Variants in RANBP2 observed in about 807,000 individuals in gnomAD.
RANBP2 encodes E3 SUMO-protein ligase RanBP2.
RANBP2 carries 57 observed loss-of-function variants against 303.6 expected under a neutral mutation model. The observed-to-expected ratio is 0.19, with a 90% CI of 0.15 to 0.23. The LOEUF is 0.23. RANBP2 is among the 10% of genes least tolerant of loss of function. RANBP2 has a pLI of 1.00. For synonymous variants in RANBP2, 1,167 were observed against 1,301.5 expected (o/e 0.90, Z 2.23); for missense variants, 3,138 against 3,780.8 (o/e 0.83, Z 4.46).
chr2:108,726,789 A>G (rs1163839454), intron 1 of RANBP2, among the ~76,000 whole-genome samples: 1 of 152,056 alleles, frequency 6.6e-6, no homozygotes, highest in Non-Finnish European at 1.5e-5. Context: ...AGCCTTCCGC[A>G]GTGTTTGTGT....
At chr2:109,396,655 C>A in the RANBP2 span, among the ~76,000 whole-genome samples, 1 of 152,210 alleles carries the variant, frequency 6.6e-6, no homozygotes, top group Non-Finnish European at 1.5e-5. Flanking sequence ...CACTGATTGA[C>A]AGCATTGAGG....
At chr2:108,827,818 A>T in the RANBP2 span, among the ~76,000 whole-genome samples, 4 of 151,454 alleles carry the variant, frequency 2.6e-5, no homozygotes, top group African/African-American at 9.7e-5. Context: ...TATGTCTAAA[A>T]AAAAAAAAAA....
Position 108,775,841 on chromosome 2 carries a change from A to G in RANBP2, c.8402A>G (p.Lys2801Arg). The change falls in exon 24 of 29, where the codon AAA (lysine) becomes AGA (arginine). Residue 2801 changes from lysine to arginine, a missense_variant. Transcript: ENST00000283195. ...TCTGAAGAACCTGATTCTATTACCA[A>G]ATCCATTAGTTCACCATCTGTTTCC... is the stretch of plus-strand genomic sequence containing the variant. ...CKSEEPDSIT[K>R]SISSPSVSSE... The G allele has an allele frequency of 6.2e-7, 1 of 1,613,794 alleles. No homozygotes were observed. Among genetic ancestry groups the G allele is most frequent in the Non-Finnish European group, 8.5e-7 (1 of 1,179,936 alleles).
chr2:109,092,901 G>A, the RANBP2 span, among the ~76,000 whole-genome samples: 3 of 152,196 alleles, frequency 2.0e-5, no homozygotes, highest in African/African-American at 2.4e-5. Context: ...AGGATAGAAC[G>A]TGGATTTAGG....
chr2:109,013,780 A>G, the RANBP2 span, among the ~76,000 whole-genome samples: 4 of 152,020 alleles, frequency 2.6e-5, no homozygotes, highest in African/African-American at 9.7e-5. Flanking sequence ...GGATTTCACC[A>G]TGTTAGCCAG....
the RANBP2 span, among the ~76,000 whole-genome samples, chr2:108,970,279 C>G: frequency 3.3e-5 from 5 of 152,206 alleles, no homozygotes; most frequent in South Asian, 8.3e-4. Flanking sequence ...AGCTTCTTTA[C>G]GACACCAGGA....
the RANBP2 span, among the ~76,000 whole-genome samples, chr2:109,461,752 C>A: frequency 6.6e-6 from 1 of 152,240 alleles, no homozygotes; most frequent in African/African-American, 2.4e-5. Context: ...CACTGGATCT[C>A]CTGGGTCATG....
the RANBP2 span, among the ~76,000 whole-genome samples, chr2:109,508,927 G>T: frequency 2.6e-5 from 4 of 152,350 alleles, no homozygotes; most frequent in Admixed American, 6.5e-5. Context: ...CGGGACGGGG[G>T]GATGCAGTCC....
At chr2:109,191,021 A>T in the RANBP2 span, among the ~76,000 whole-genome samples, 13 of 151,988 alleles carry the variant, frequency 8.6e-5, 1 homozygote, top group South Asian at 1.9e-3. Flanking sequence ...AGGGCCAGAG[A>T]GTAAATATTT....
At chr2:109,078,704 C>T in the RANBP2 span, among the ~76,000 whole-genome samples, 15 of 149,774 alleles carry the variant, frequency 1.0e-4, no homozygotes, top group East Asian at 5.9e-4. Flanking sequence ...CCATGTGGGC[C>T]GGGCGCGTTG....
At chr2:108,834,214 A>ATT in the RANBP2 span, among the ~76,000 whole-genome samples, 35 of 139,680 alleles carry the variant, frequency 2.5e-4, no homozygotes, top group African/African-American at 5.4e-4. Flanking sequence ...CATCTTTGAA[A>ATT]TTTTTTTTTT....
chr2:109,664,588 A>C, the RANBP2 span, among the ~76,000 whole-genome samples: 34 of 152,004 alleles, frequency 2.2e-4, no homozygotes, highest in Non-Finnish European at 4.1e-4. Flanking sequence ...TGGGTGAAAG[A>C]ATTTTAATTA....
chr2:109,701,561 C>G, the RANBP2 span, among the ~76,000 whole-genome samples: 1 of 152,106 alleles, frequency 6.6e-6, no homozygotes, highest in African/African-American at 2.4e-5. Flanking sequence ...GCAATTTAGT[C>G]TGGCTCAGTG....
At chr2:109,487,248 G>A in the RANBP2 span, among the ~76,000 whole-genome samples, 4 of 152,064 alleles carry the variant, frequency 2.6e-5, no homozygotes, top group South Asian at 2.1e-4. Flanking sequence ...CTCCTCCCAC[G>A]GTGTTGTCCC....
chr2:109,059,734 T>A, the RANBP2 span, among the ~76,000 whole-genome samples: 3 of 152,136 alleles, frequency 2.0e-5, no homozygotes, highest in African/African-American at 2.4e-5. Flanking sequence ...TCCTGCAGAA[T>A]GTAGGCTGAC....
At chr2:108,851,544 C>T in the RANBP2 span, among the ~76,000 whole-genome samples, 10 of 152,112 alleles carry the variant, frequency 6.6e-5, no homozygotes, top group African/African-American at 1.9e-4. Flanking sequence ...TCAGGTGATC[C>T]GCCCACCTCA....
chr2:109,615,243 G>A, the RANBP2 span: 15 of 1,551,342 alleles, frequency 9.7e-6, no homozygotes, highest in Non-Finnish European at 8.7e-7. Flanking sequence ...CTCGTCGTCC[G>A]CGGAGGAGGA....
At chr2:109,644,847 T>C in the RANBP2 span, among the ~76,000 whole-genome samples, 1 of 152,116 alleles carries the variant, frequency 6.6e-6, no homozygotes, top group Admixed American at 6.5e-5. Flanking sequence ...GCTTTCTAGA[T>C]CACAAGATCC....
chr2:108,818,239 C>G, the RANBP2 span, among the ~76,000 whole-genome samples: 1 of 151,942 alleles, frequency 6.6e-6, no homozygotes, highest in Non-Finnish European at 1.5e-5. Context: ...CTGGGGGGGT[C>G]GAGGCTGCAG....
Sources: allele counts gnomAD v4.1 joint callset (sites outside exome capture counted in the v4.1 genomes callset), GRCh38; gene constraint gnomAD v4.1.1; transcripts MANE v1.5; gene names NCBI Gene and HGNC (gene_info 2026-07-23, HGNC 2026-07-21).